The following PROM1 variants were observed in gnomAD, a reference collection of about 807,000 sequenced individuals.
The protein encoded by PROM1 is prominin-1.
PROM1 carries 105 observed loss-of-function variants against 116.9 expected under a neutral mutation model. The ratio of observed to expected loss-of-function variants is 0.90; its 90% confidence interval spans 0.77 to 1.06. The LOEUF is 1.06. Ranked by LOEUF, PROM1 falls within the 50% of genes least tolerant of loss-of-function variation. The pLI, the probability that PROM1 is intolerant of heterozygous loss-of-function variation, is 0.00. For synonymous variants in PROM1, 393 were observed against 387.0 expected (o/e 1.02, Z -0.18); for missense variants, 1,122 against 1,045.2 (o/e 1.07, Z -1.01).
At chr4:16,009,131 T>A in intron 11 of PROM1, 23 bp from the exon 12 acceptor site, 2 of 1,603,334 alleles carry the variant, frequency 1.2e-6, no homozygotes, top group Non-Finnish European at 1.7e-6. Context: ...ATACCTTTGT[T>A]ATGCATTTGC....
At chr4:16,021,137 T>C (rs1176553391) in intron 8 of PROM1, among the ~76,000 whole-genome samples, 3 of 146,640 alleles carry the variant, frequency 2.0e-5, no homozygotes, top group Admixed American at 1.4e-4. Flanking sequence ...TTATTAAGCA[T>C]GTTTTAAGAA....
intron 1 of PROM1, 166 bp from the exon 2 acceptor site, chr4:16,076,284 T>C (rs4698135): frequency 0.79 from 155,094 of 195,822 alleles, 61,856 homozygotes; most frequent in Non-Finnish European, 0.84. Flanking sequence ...ACAGGGCAGG[T>C]GCTGGCATCA....
At chr4:16,064,414 G>A (rs1011061057) in intron 2 of PROM1, among the ~76,000 whole-genome samples, 8 of 152,250 alleles carry the variant, frequency 5.3e-5, no homozygotes, top group East Asian at 1.9e-4. Flanking sequence ...TCTATACTAC[G>A]GAAAGTCAGG....
chr4:15,996,260 A>G (rs1003961443), intron 15 of PROM1, among the ~76,000 whole-genome samples: 6 of 152,216 alleles, frequency 3.9e-5, no homozygotes, highest in African/African-American at 1.4e-4. Context: ...CTGTAATCCC[A>G]ACACTTTGGG....
At chr4:15,991,355 T>C (rs1027928187) in intron 17 of PROM1, 62 bp from the exon 18 acceptor site, 2 of 1,109,422 alleles carry the variant, frequency 1.8e-6, no homozygotes, top group African/African-American at 1.6e-5. Context: ...TAACACAACA[T>C]CTAGTAGGCA....
At chr4:16,047,576 G>A (rs1401755587) in intron 2 of PROM1, among the ~76,000 whole-genome samples, 2 of 135,956 alleles carry the variant, frequency 1.5e-5, no homozygotes, top group African/African-American at 6.0e-5. Flanking sequence ...AATTAGTTTT[G>A]TTACAATTAG....
At chr4:15,974,882 C>T (rs1032187020) in intron 26 of PROM1, among the ~76,000 whole-genome samples, 2 of 152,192 alleles carry the variant, frequency 1.3e-5, no homozygotes, top group Non-Finnish European at 2.9e-5. Context: ...GCGATAAACA[C>T]TGGGGGAAAT....
chr4:15,997,859 C>T (rs995056613), intron 15 of PROM1, among the ~76,000 whole-genome samples: 2 of 152,188 alleles, frequency 1.3e-5, no homozygotes, highest in Admixed American at 1.3e-4. Flanking sequence ...AACCCTAAAA[C>T]AACCCCAGGG....
chr4:16,057,556 C>CT (rs1209699845), intron 2 of PROM1, among the ~76,000 whole-genome samples: 5 of 152,220 alleles, frequency 3.3e-5, no homozygotes, highest in East Asian at 1.9e-4. Context: ...TCAACAGAAT[C>CT]TTTGTCTCTC....
intron 2 of PROM1, among the ~76,000 whole-genome samples, chr4:16,061,522 G>A (rs528672043): frequency 6.6e-6 from 1 of 152,360 alleles, no homozygotes; most frequent in Non-Finnish European, 1.5e-5. Context: ...TTTCTCGGCT[G>A]ACCAGATGAC....
intron 26 of PROM1, among the ~76,000 whole-genome samples, chr4:15,976,034 T>C (rs1464423191): frequency 2.0e-5 from 3 of 152,238 alleles, no homozygotes; most frequent in Non-Finnish European, 4.4e-5. Flanking sequence ...AACATTAGTA[T>C]ATCCCTAGCC....
chr4:15,973,623 C>T (rs530594445), intron 26 of PROM1, among the ~76,000 whole-genome samples: 23 of 152,256 alleles, frequency 1.5e-4, no homozygotes, highest in African/African-American at 4.3e-4. Context: ...GATTTCTGTC[C>T]TTTTCAGATA....
At chr4:16,020,690 G>C (rs1269401228) in intron 8 of PROM1, among the ~76,000 whole-genome samples, 2 of 152,120 alleles carry the variant, frequency 1.3e-5, no homozygotes, top group African/African-American at 4.8e-5. Flanking sequence ...AACAGAGAAT[G>C]ACAGGTGATA....
chr4:15,998,567 G>T, intron 14 of PROM1, 79 bp from the exon 15 acceptor site: 1 of 1,308,824 alleles, frequency 7.6e-7, no homozygotes, highest in Non-Finnish European at 9.8e-7. Flanking sequence ...TTAATATTCT[G>T]TTGAATGTAT....
At chr4:16,044,711 T>C (rs1422323113) in intron 2 of PROM1, among the ~76,000 whole-genome samples, 1 of 152,238 alleles carries the variant, frequency 6.6e-6, no homozygotes, top group African/African-American at 2.4e-5. Context: ...TGCATCATTT[T>C]TGTAAATTAA....
chr4:16,010,512 T>C (rs1173919750), intron 11 of PROM1, among the ~76,000 whole-genome samples: 9 of 152,168 alleles, frequency 5.9e-5, no homozygotes, highest in Non-Finnish European at 8.8e-5. Context: ...AAACTTTTTG[T>C]TTTCTTTTTG....
Position 15,984,269 on chromosome 4 carries a change from G to A in PROM1, c.2367C>T (p.Asp789=), listed in dbSNP as rs890291232. ...VDVFLCSYII[D]PLNLFWFGIG... The stretch of plus-strand genomic sequence containing the variant: ...TTGAAAGATGAAATCTTACCAAGGG[G>A]TCGATAATGTAGCTACACAGAAAGA... The change falls in exon 23 of 28, where the codon GAC becomes GAT. Residue 789 remains aspartate, a synonymous_variant. Coordinates refer to ENST00000447510, the MANE Select transcript of PROM1 (RefSeq NM_006017.3). 1.3e-6 allele frequency: 2 copies of A among 1,595,880 alleles called. No individual in the cohort carries two copies. Among genetic ancestry groups the A allele is most frequent in the African/African-American group, 1.3e-5 (1 of 74,732 alleles).
chr4:16,024,192 G>C (rs1730632693), intron 7 of PROM1, 103 bp downstream of exon 7: 1 of 1,029,688 alleles, frequency 9.7e-7, no homozygotes, highest in Non-Finnish European at 1.5e-6. Flanking sequence ...TCATCTTTCT[G>C]TCTTCCCCCA....
Position 15,992,342 on chromosome 4 carries a change from T to G in PROM1, c.1817A>C (p.Asn606Thr). The part of the protein sequence containing the change: ...SELESLKVNL[N>T]IFLLGAAGRK... ...TCCTGCTGCACCCAACAGAAAGATATTAAGATTTACCTTCAGACTTTCCAA... is the reference window on the plus strand; with the variant it reads ...TCCTGCTGCACCCAACAGAAAGATAGTAAGATTTACCTTCAGACTTTCCAA... The change falls in exon 17 of 28, where the codon AAT becomes ACT. Residue 606 changes from asparagine (N) to threonine (T), a missense_variant. Asn to Thr is a moderately conservative substitution (Grantham distance 65). Coordinates refer to ENST00000447510, the MANE Select transcript of PROM1 (RefSeq NM_006017.3). 1 of 1,613,928 alleles carries G rather than the reference T, an allele frequency of 6.2e-7. No individual in the cohort carries two copies. The highest frequency in any genetic ancestry group is 1.3e-5 in the African/African-American group (1 of 75,036).
Sources: gnomAD v4.1 joint callset for allele counts (sites outside exome capture counted in the v4.1 genomes callset) on GRCh38, gnomAD v4.1.1 for gene constraint, MANE v1.5 for transcripts, NCBI Gene and HGNC (gene_info 2026-07-23, HGNC 2026-07-21) for gene names.